ZFAND3: variants seen among roughly 807,000 people sequenced by gnomAD.
The protein encoded by ZFAND3 is AN1-type zinc finger protein 3.
A neutral mutation model predicts 29.6 loss-of-function variants in ZFAND3; 10 were observed. The ratio of observed to expected loss-of-function variants is 0.34; its 90% CI spans 0.21 to 0.57. The LOEUF (loss-of-function observed/expected upper bound fraction) is 0.57. Among genes scored for constraint, ZFAND3 ranks in the 20% least tolerant of loss-of-function variants. The probability of loss-of-function intolerance (pLI) is 0.86; values close to 1 mark genes in which losing one functional copy is unlikely to be tolerated. For missense variants in ZFAND3, 230 were observed against 304.5 expected, an observed-to-expected ratio of 0.76 and a Z score of 1.82; for synonymous variants, 128 against 112.6, an observed-to-expected ratio of 1.14 and a Z score of -0.87.
chr6:37,921,150 T>C (rs1013454353), intron 1 of ZFAND3, among the ~76,000 whole-genome samples: 2 of 152,184 alleles, frequency 1.3e-5, no homozygotes, highest in African/African-American at 4.8e-5. Context: ...TTGTCTGGAT[T>C]ATTAGAAGAG....
At chr6:37,851,954 G>A (rs1764289635) in intron 1 of ZFAND3, among the ~76,000 whole-genome samples, 1 of 152,150 alleles carries the variant, frequency 6.6e-6, no homozygotes, top group African/African-American at 2.4e-5. Context: ...ATACATTGCA[G>A]TAAAGTGTTC....
At chr6:38,029,108 A>G (rs1763502259) in intron 2 of ZFAND3, among the ~76,000 whole-genome samples, 1 of 152,072 alleles carries the variant, frequency 6.6e-6, no homozygotes, top group African/African-American at 2.4e-5. Context: ...TTTTATCTGA[A>G]CTCTCTTACC....
chr6:37,878,106 G>A (rs1344844189), intron 1 of ZFAND3, among the ~76,000 whole-genome samples: 1 of 152,168 alleles, frequency 6.6e-6, no homozygotes, highest in African/African-American at 2.4e-5. Context: ...AGTTGTGTGG[G>A]AACTCGTACA....
chr6:38,149,410 CAAA>C (rs35426126), intron 5 of ZFAND3, among the ~76,000 whole-genome samples: 16 of 88,312 alleles, frequency 1.8e-4, no homozygotes, highest in Non-Finnish European at 2.4e-4. Context: ...GACCCTGTCT[CAAA>C]AAAAAAAAAA....
intron 2 of ZFAND3, among the ~76,000 whole-genome samples, chr6:38,039,572 A>G (rs145693905): frequency 4.3e-4 from 66 of 152,348 alleles, no homozygotes; most frequent in Non-Finnish European, 7.5e-4. Flanking sequence ...GTCAGCATGG[A>G]TATACATAAA....
At chr6:38,103,184 C>T (rs545174728) in intron 4 of ZFAND3, among the ~76,000 whole-genome samples, 8 of 152,056 alleles carry the variant, frequency 5.3e-5, no homozygotes, top group Non-Finnish European at 7.4e-5. Flanking sequence ...TTAAGGGGAA[C>T]GACAACAGGT....
At chr6:37,835,676 G>A (rs1310591793) in intron 1 of ZFAND3, among the ~76,000 whole-genome samples, 1 of 152,142 alleles carries the variant, frequency 6.6e-6, no homozygotes, top group African/African-American at 2.4e-5. Flanking sequence ...GGAGACCATA[G>A]CCTTAGTCCC....
At chr6:37,970,607 C>T (rs892995486) in intron 2 of ZFAND3, among the ~76,000 whole-genome samples, 4 of 152,096 alleles carry the variant, frequency 2.6e-5, no homozygotes, top group African/African-American at 9.7e-5. Flanking sequence ...TTTTAAAAAA[C>T]ACTTAGTATG....
intron 2 of ZFAND3, among the ~76,000 whole-genome samples, chr6:38,004,780 T>C (rs1401117947): frequency 6.6e-6 from 1 of 152,226 alleles, no homozygotes; most frequent in Non-Finnish European, 1.5e-5. Context: ...CCTTTATTCT[T>C]AATCATTTAA....
intron 1 of ZFAND3, among the ~76,000 whole-genome samples, chr6:37,899,044 C>T (rs1327014884): frequency 2.6e-5 from 4 of 152,140 alleles, no homozygotes; most frequent in Non-Finnish European, 5.9e-5. Flanking sequence ...TACAGGCGCC[C>T]GCCACCACGC....
intron 2 of ZFAND3, among the ~76,000 whole-genome samples, chr6:38,023,512 A>G (rs926680989): frequency 6.6e-6 from 1 of 152,208 alleles, no homozygotes; most frequent in African/African-American, 2.4e-5. Flanking sequence ...CATGTTGTGT[A>G]TGACTATGTA....
At chr6:37,936,635 A>G (rs1465218423) in intron 2 of ZFAND3, among the ~76,000 whole-genome samples, 1 of 152,244 alleles carries the variant, frequency 6.6e-6, no homozygotes, top group Non-Finnish European at 1.5e-5. Flanking sequence ...GTTGCATGAG[A>G]TAAAGCTGGA....
At chr6:38,077,217 T>C (rs1386256242) in intron 3 of ZFAND3, among the ~76,000 whole-genome samples, 3 of 152,016 alleles carry the variant, frequency 2.0e-5, no homozygotes, top group Non-Finnish European at 2.9e-5. Flanking sequence ...AAAAAAGATA[T>C]TCTGAATCTC....
At chr6:38,042,503 G>A (rs1763811267) in intron 2 of ZFAND3, among the ~76,000 whole-genome samples, 2 of 151,760 alleles carry the variant, frequency 1.3e-5, no homozygotes, top group Admixed American at 1.3e-4. Flanking sequence ...TAGTAGAGAT[G>A]GGGTTTTGCC....
At chr6:37,853,073 T>C (rs1049525384) in intron 1 of ZFAND3, among the ~76,000 whole-genome samples, 17 of 152,194 alleles carry the variant, frequency 1.1e-4, no homozygotes, top group Non-Finnish European at 8.8e-5. Context: ...ATGTCTATTT[T>C]GATGTGGCCT....
At chr6:37,928,555 C>T (rs1236273956) in intron 1 of ZFAND3, among the ~76,000 whole-genome samples, 5 of 152,102 alleles carry the variant, frequency 3.3e-5, no homozygotes, top group Non-Finnish European at 7.4e-5. Context: ...GAGTCTTGCT[C>T]TGTTGCCCAG....
chr6:37,952,469 G>C (rs1762014693), intron 2 of ZFAND3, among the ~76,000 whole-genome samples: 1 of 151,966 alleles, frequency 6.6e-6, no homozygotes, highest in Non-Finnish European at 1.5e-5. Flanking sequence ...ATTTCTTCTA[G>C]ATTTTCTAGA....
intron 1 of ZFAND3, among the ~76,000 whole-genome samples, chr6:37,914,662 C>CTTTTTTTTTT (rs1327923079): frequency 1.6e-5 from 1 of 62,472 alleles, no homozygotes; most frequent in Non-Finnish European, 3.6e-5. Flanking sequence ...TTCTTTCTTT[C>CTTTTTTTTTT]TTTTTTTTTC....
intron 1 of ZFAND3, among the ~76,000 whole-genome samples, chr6:37,920,695 TAAC>T (rs1187492621): frequency 6.6e-6 from 1 of 152,220 alleles, no homozygotes; most frequent in African/African-American, 2.4e-5. Context: ...ATACCCTTAT[TAAC>T]AGCTCCATCT....
Sources: gnomAD v4.1 joint callset for allele counts (sites outside exome capture counted in the v4.1 genomes callset) on GRCh38, gnomAD v4.1.1 for gene constraint, MANE v1.5 for transcripts, NCBI Gene and HGNC (gene_info 2026-07-23, HGNC 2026-07-21) for gene names.